Variants in PTPRD observed in about 807,000 individuals in gnomAD.
PTPRD encodes the protein receptor-type tyrosine-protein phosphatase delta.
Under a neutral mutation model 214.5 loss-of-function variants are expected in PTPRD, and 34 were observed. The observed-to-expected ratio is 0.16, with a 90% CI of 0.12 to 0.21. The LOEUF (loss-of-function observed/expected upper bound fraction) is 0.21, where lower values mean the gene tolerates loss of function less well. PTPRD is among the 10% of genes least tolerant of loss of function. The pLI is 1.00. For synonymous variants in PTPRD, 1,128 were observed against 845.7 expected (o/e 1.33, Z -5.79); for missense variants, 2,545 against 2,398.7 (o/e 1.06, Z -1.27).
chr9:8,557,435 C>CGTAT (rs754301559), intron 14 of PTPRD, among the ~76,000 whole-genome samples: 10 of 133,640 alleles, frequency 7.5e-5, no homozygotes, highest in African/African-American at 3.2e-4. Flanking sequence ...TTTGTAAATA[C>CGTAT]ATATATATAT....
intron 3 of PTPRD, among the ~76,000 whole-genome samples, chr9:10,072,781 T>C (rs999392638): frequency 6.6e-6 from 1 of 152,140 alleles, no homozygotes. Flanking sequence ...AAGATAGTTG[T>C]GTAGTTTTCT....
chr9:9,205,486 A>C (rs895990206), intron 9 of PTPRD, among the ~76,000 whole-genome samples: 2 of 152,202 alleles, frequency 1.3e-5, no homozygotes, highest in Non-Finnish European at 2.9e-5. Context: ...ATATAGATCC[A>C]AAAGAAACCA....
At chr9:10,573,948 T>G (rs1488118362) in intron 2 of PTPRD, among the ~76,000 whole-genome samples, 1 of 151,970 alleles carries the variant, frequency 6.6e-6, no homozygotes, top group African/African-American at 2.4e-5. Flanking sequence ...TAGAATAAAA[T>G]AAATAAATTA....
At chr9:8,399,127 A>C (rs1278847273) in intron 36 of PTPRD, among the ~76,000 whole-genome samples, 2 of 140,172 alleles carry the variant, frequency 1.4e-5, no homozygotes, top group African/African-American at 5.4e-5. Flanking sequence ...TGAAGAAGCT[A>C]ATCATCTCAT....
At chr9:10,449,642 C>T (rs1452891017) in intron 2 of PTPRD, among the ~76,000 whole-genome samples, 1 of 150,010 alleles carries the variant, frequency 6.7e-6, no homozygotes, top group Middle Eastern at 3.2e-3. Flanking sequence ...GCGCCTCTGC[C>T]CCGCCGCCCC....
In PTPRD at chr9:8,754,138, C is replaced by G. The variant is rs573569952; in HGVS notation, c.-103-20192G>C. Among the ~76,000 whole-genome samples, 5 of 150,824 alleles carry G rather than the reference C, an allele frequency of 3.3e-5. No individual in the cohort carries two copies. The East Asian group carries it at 5.8e-4, about 18-fold the overall frequency. ...CCAGCCTGGGTGACAGAGCGAGACT[C>G]CATCTCAAAAAAAAGACTCATTCTT... On this transcript the variant is annotated intron_variant, in intron 11 of 45. Coordinates refer to ENST00000381196, the MANE Select transcript of PTPRD (RefSeq NM_002839.4).
At chr9:9,588,746 C>G (rs181858753) in intron 7 of PTPRD, among the ~76,000 whole-genome samples, 1 of 151,818 alleles carries the variant, frequency 6.6e-6, no homozygotes. Flanking sequence ...TGAAATGTTA[C>G]GGGAACTGCA....
At chr9:8,566,984 C>T (rs2089493257) in intron 14 of PTPRD, among the ~76,000 whole-genome samples, 1 of 152,098 alleles carries the variant, frequency 6.6e-6, no homozygotes, top group Admixed American at 6.6e-5. Context: ...AGGTATGTTT[C>T]TTACATCTCT....
intron 3 of PTPRD, among the ~76,000 whole-genome samples, chr9:10,099,726 T>C (rs1472039390): frequency 2.0e-5 from 3 of 151,684 alleles, no homozygotes; most frequent in Non-Finnish European, 4.4e-5. Flanking sequence ...TTGGGTCTGC[T>C]TTTTTTAGTA....
chr9:10,345,826 T>C (rs2097067550), intron 2 of PTPRD, among the ~76,000 whole-genome samples: 1 of 152,194 alleles, frequency 6.6e-6, no homozygotes, highest in Non-Finnish European at 1.5e-5. Flanking sequence ...TCTGGATCCT[T>C]GAACAATCGC....
At chr9:8,997,305 C>T (rs1233730561) in intron 11 of PTPRD, among the ~76,000 whole-genome samples, 1 of 152,076 alleles carries the variant, frequency 6.6e-6, no homozygotes, top group East Asian at 1.9e-4. Context: ...AGTCCTTCAT[C>T]AAGCAAGTCT....
chr9:10,243,616 T>C lies in PTPRD; in HGVS notation c.-545+97347A>G, dbSNP rs887271105. 5.9e-5 allele frequency among the ~76,000 whole-genome samples: 9 copies of C among 152,012 alleles called. No individual in the cohort carries two copies. The East Asian group carries it at 1.2e-3, about 20-fold the overall frequency. On this transcript the variant is annotated intron_variant, in intron 3 of 45. Coordinates refer to ENST00000381196, the MANE Select transcript of PTPRD (RefSeq NM_002839.4). Reference sequence around the variant, plus strand: ...ACCACAATTTTCTTCTGAAATCCCATTGGGATACTTAAAAAAAGAGATATG... The same window carrying C: ...ACCACAATTTTCTTCTGAAATCCCACTGGGATACTTAAAAAAAGAGATATG...
intron 11 of PTPRD, among the ~76,000 whole-genome samples, chr9:8,780,891 C>A (rs973331689): frequency 2.0e-5 from 3 of 152,176 alleles, no homozygotes; most frequent in Non-Finnish European, 2.9e-5. Flanking sequence ...TACAGTATCT[C>A]CAGTGCTTCC....
chr9:10,397,210 G>A (rs1223914693), intron 2 of PTPRD, among the ~76,000 whole-genome samples: 2 of 152,014 alleles, frequency 1.3e-5, no homozygotes, highest in Admixed American at 1.3e-4. Flanking sequence ...TTGCACACCA[G>A]ATTTACCAGT....
At chr9:10,144,424 G>C (rs1232988266) in intron 3 of PTPRD, among the ~76,000 whole-genome samples, 1 of 152,102 alleles carries the variant, frequency 6.6e-6, no homozygotes, top group Non-Finnish European at 1.5e-5. Context: ...TTTCATTCCT[G>C]CCTTTTCTAT....
At chr9:9,358,577 T>C (rs891952530) in intron 9 of PTPRD, among the ~76,000 whole-genome samples, 1 of 151,290 alleles carries the variant, frequency 6.6e-6, no homozygotes, top group Admixed American at 6.6e-5. Flanking sequence ...ATCCTGAGTA[T>C]GTACTTGCTA....
At chr9:10,170,418 G>A (rs941138959) in intron 3 of PTPRD, among the ~76,000 whole-genome samples, 2 of 152,048 alleles carry the variant, frequency 1.3e-5, no homozygotes, top group East Asian at 1.9e-4. Context: ...TTGGCCAGGC[G>A]TGCAGGCTCA....
rs577480386 is a variant in PTPRD at position 10,325,421 on chromosome 9, C to T, written c.-545+15542G>A. ...AATTCTGAGCAAATACACACTACTA[C>T]AAACTATTTTTAATATTACATGCAA... On this transcript the variant is annotated intron_variant, in intron 3 of 45. Coordinates refer to ENST00000381196, the MANE Select transcript of PTPRD (RefSeq NM_002839.4). Among the ~76,000 whole-genome samples, 5 of 152,058 alleles carry T rather than the reference C, an allele frequency of 3.3e-5. No homozygotes were observed. In the South Asian group the frequency reaches 1.0e-3, roughly 31 times the overall value.
At chr9:8,336,996 G>A (rs1370830826) in intron 43 of PTPRD, among the ~76,000 whole-genome samples, 4 of 152,178 alleles carry the variant, frequency 2.6e-5, no homozygotes, top group Non-Finnish European at 5.9e-5. Flanking sequence ...TTACACTGTT[G>A]GTGGGTGTGT....
Sources: allele counts gnomAD v4.1 joint callset (sites outside exome capture counted in the v4.1 genomes callset), GRCh38; gene constraint gnomAD v4.1.1; transcripts MANE v1.5; gene names NCBI Gene and HGNC (gene_info 2026-07-23, HGNC 2026-07-21).